The following ZBTB16 variants were observed in gnomAD, a reference collection of about 807,000 sequenced individuals.
ZBTB16 encodes the protein zinc finger and BTB domain containing 16.
A neutral mutation model predicts 56.8 loss-of-function variants in ZBTB16; 8 were observed. The ratio of observed to expected loss-of-function variants is 0.14; its 90% CI spans 0.08 to 0.25. ZBTB16 has a LOEUF of 0.25. ZBTB16 is among the 10% of genes least tolerant of loss of function. The pLI, the probability that ZBTB16 is intolerant of heterozygous loss-of-function variation, is 1.00. For synonymous variants in ZBTB16, 363 were observed against 368.5 expected (o/e 0.98, Z 0.17); for missense variants, 625 against 903.0 (o/e 0.69, Z 3.95).
chr11:114,072,362 G>T (rs1939379181), intron 2 of ZBTB16, among the ~76,000 whole-genome samples: 1 of 152,176 alleles, frequency 6.6e-6, no homozygotes, highest in Admixed American at 6.5e-5. Context: ...AATTTAGCCG[G>T]GCAGCGCTCC....
At chr11:114,203,115 AT>A (rs1015750944) in intron 4 of ZBTB16, among the ~76,000 whole-genome samples, 8 of 152,236 alleles carry the variant, frequency 5.3e-5, no homozygotes, top group African/African-American at 1.9e-4. Flanking sequence ...ATGGACTATA[AT>A]TTGGCCATAA....
chr11:114,119,744 G>C (rs1941290253), intron 2 of ZBTB16, among the ~76,000 whole-genome samples: 1 of 152,186 alleles, frequency 6.6e-6, no homozygotes, highest in Non-Finnish European at 1.5e-5. Flanking sequence ...AAAAGACAGA[G>C]TTTTGTTAAT....
chr11:114,205,808 G>C (rs1943855781), intron 4 of ZBTB16, among the ~76,000 whole-genome samples: 2 of 152,204 alleles, frequency 1.3e-5, no homozygotes, highest in Admixed American at 6.5e-5. Context: ...GAATTGACAA[G>C]GGGGAGACTC....
At chr11:114,062,292 G>T (rs370042291) in intron 1 of ZBTB16, among the ~76,000 whole-genome samples, 7 of 151,058 alleles carry the variant, frequency 4.6e-5, no homozygotes, top group Non-Finnish European at 7.4e-5. Context: ...TTGTAGAGAC[G>T]GGGCTTCTCC....
chr11:114,101,148 G>A (rs559661143), intron 2 of ZBTB16, among the ~76,000 whole-genome samples: 185 of 152,224 alleles, frequency 1.2e-3, no homozygotes, highest in African/African-American at 4.2e-3. Flanking sequence ...GGGATTACAG[G>A]TGTATGCCAC....
chr11:114,123,672 T>C (rs1225803879), intron 2 of ZBTB16, among the ~76,000 whole-genome samples: 1 of 152,180 alleles, frequency 6.6e-6, no homozygotes, highest in East Asian at 1.9e-4. Flanking sequence ...AAATTGAGTC[T>C]AAATTCCCAT....
At chr11:114,144,185 C>CAT (rs1942038354) in intron 2 of ZBTB16, among the ~76,000 whole-genome samples, 1 of 140,506 alleles carries the variant, frequency 7.1e-6, no homozygotes, top group Non-Finnish European at 1.6e-5. Context: ...CAGACACACA[C>CAT]ACACACACAC....
chr11:114,192,538 C>T (rs1591768038), intron 4 of ZBTB16, among the ~76,000 whole-genome samples: 1 of 152,208 alleles, frequency 6.6e-6, no homozygotes, highest in Non-Finnish European at 1.5e-5. Flanking sequence ...CGTTCTTGTC[C>T]TTGCCTTTTC....
At chr11:114,197,077 A>G (rs1943628059) in intron 4 of ZBTB16, among the ~76,000 whole-genome samples, 1 of 152,142 alleles carries the variant, frequency 6.6e-6, no homozygotes. Context: ...AGAACACACA[A>G]TCCAAACTAG....
intron 3 of ZBTB16, among the ~76,000 whole-genome samples, chr11:114,167,246 T>G (rs1250645443): frequency 1.4e-5 from 2 of 139,594 alleles, no homozygotes; most frequent in African/African-American, 2.6e-5. Flanking sequence ...TTTTTTTTTT[T>G]TTTTTTTGAC....
At chr11:114,241,743 T>C (rs906900170) in intron 4 of ZBTB16, among the ~76,000 whole-genome samples, 6 of 152,214 alleles carry the variant, frequency 3.9e-5, no homozygotes, top group African/African-American at 1.2e-4. Context: ...ATATTAGTTA[T>C]GTTAGAACAA....
chr11:114,127,761 C>G (rs1484380987), intron 2 of ZBTB16, among the ~76,000 whole-genome samples: 1 of 152,174 alleles, frequency 6.6e-6, no homozygotes, highest in African/African-American at 2.4e-5. Context: ...AATCTTCCAT[C>G]CACTGTTAGC....
chr11:114,104,204 A>G (rs238927), intron 2 of ZBTB16, among the ~76,000 whole-genome samples: 10,436 of 152,224 alleles, frequency 0.069, 1,216 homozygotes, highest in African/African-American at 0.24. Flanking sequence ...ACTGGGACCT[A>G]ACCATGTTCT....
At position 114,242,088 on chromosome 11, in the gene ZBTB16, T is replaced by G; in HGVS notation, c.1454-79T>G. The G allele has an allele frequency of 1.9e-6, 3 of 1,575,060 alleles. No individual in the cohort carries two copies. In the Admixed American group the frequency reaches 5.0e-5, roughly 26 times the overall value. The stretch of plus-strand genomic sequence containing the variant: ...GATTTGGAGGTGTGAGTCCCGACAC[T>G]GGCTCTCACTCCAGATGGGTAAAGA... On this transcript the variant is annotated intron_variant, in intron 4 of 6. Transcript: ENST00000335953.
chr11:114,256,045 C>G lies in ZBTB16; in HGVS notation c.*5490C>G, dbSNP rs1945007501. 1.7e-5 allele frequency among the ~76,000 whole-genome samples: 2 copies of G among 119,716 alleles called. No homozygotes were observed. The highest frequency in any genetic ancestry group is 6.0e-5 in the African/African-American group (2 of 33,532). 78.5% of individuals were successfully genotyped at this position (119,716 alleles called of 152,430 possible). On this transcript the variant is annotated 3_prime_UTR_variant, in exon 7 of 7. Coordinates refer to ENST00000335953, the MANE Select transcript of ZBTB16 (RefSeq NM_006006.6). Reference sequence around the variant, plus strand: ...TTGTTTTTTTTTTTTGTTTTTTTTGCCTTTTCTTGTGTGGGGAACATGGTA... The same window carrying G: ...TTGTTTTTTTTTTTTGTTTTTTTTGGCTTTTCTTGTGTGGGGAACATGGTA...
chr11:114,197,712 A>T (rs188556766), intron 4 of ZBTB16, among the ~76,000 whole-genome samples: 2 of 152,002 alleles, frequency 1.3e-5, no homozygotes, highest in East Asian at 3.9e-4. Context: ...AAGACAGAGG[A>T]TTTATTTTAT....
At chr11:114,237,279 C>T (rs1565702665) in intron 4 of ZBTB16, 1 of 152,210 alleles carries the variant, frequency 6.6e-6, no homozygotes, top group Non-Finnish European at 1.5e-5. Flanking sequence ...TCTTGATAAC[C>T]ACAGTGGCAG....
intron 4 of ZBTB16, among the ~76,000 whole-genome samples, chr11:114,223,397 G>A (rs982945777): frequency 1.3e-5 from 2 of 152,168 alleles, no homozygotes; most frequent in Admixed American, 1.3e-4. Flanking sequence ...TGAGTGGGTG[G>A]GTGGCTTGAG....
At chr11:114,232,317 G>T (rs1944455118) in intron 4 of ZBTB16, among the ~76,000 whole-genome samples, 1 of 152,170 alleles carries the variant, frequency 6.6e-6, no homozygotes, top group Non-Finnish European at 1.5e-5. Context: ...CAGGAAGTAG[G>T]GAGCCCTTTG....
Sources: allele counts gnomAD v4.1 joint callset (sites outside exome capture counted in the v4.1 genomes callset), GRCh38; gene constraint gnomAD v4.1.1; transcripts MANE v1.5; gene names NCBI Gene and HGNC (gene_info 2026-07-23, HGNC 2026-07-21).